Variants in R3HDM2 observed in about 807,000 individuals in gnomAD.
R3HDM2 encodes R3H domain containing 2, also known as R3H domain-containing protein 2.
R3HDM2 carries 38 observed loss-of-function variants against 124.5 expected under a neutral mutation model. That is an observed-to-expected ratio of 0.31 (90% confidence interval 0.24 to 0.40). The LOEUF (loss-of-function observed/expected upper bound fraction) is 0.40, where lower values mean the gene tolerates loss of function less well. Among genes scored for constraint, R3HDM2 ranks in the 10% least tolerant of loss-of-function variants. R3HDM2 has a pLI of 1.00. For missense variants in R3HDM2, 869 were observed against 1,236.9 expected (o/e 0.70, Z 4.46); for synonymous variants, 391 against 448.0 (o/e 0.87, Z 1.61).
At chr12:57,369,789 C>A (rs184216100) in intron 2 of R3HDM2, among the ~76,000 whole-genome samples, 1 of 152,138 alleles carries the variant, frequency 6.6e-6, no homozygotes, top group East Asian at 1.9e-4. Flanking sequence ...CTATTGAAAT[C>A]TGGAATTTAA....
chr12:57,272,719 G>A (rs1458601837), intron 14 of R3HDM2, among the ~76,000 whole-genome samples: 1 of 152,122 alleles, frequency 6.6e-6, no homozygotes, highest in Non-Finnish European at 1.5e-5. Flanking sequence ...CGACTGCTGA[G>A]CAGGTAGGTG....
At chr12:57,372,317 A>G (rs1421882935) in intron 2 of R3HDM2, among the ~76,000 whole-genome samples, 1 of 152,200 alleles carries the variant, frequency 6.6e-6, no homozygotes. Flanking sequence ...TCAGCTCCCA[A>G]CAATGATAAA....
At chr12:57,275,287 T>C (rs1351135722) in intron 14 of R3HDM2, among the ~76,000 whole-genome samples, 3 of 152,102 alleles carry the variant, frequency 2.0e-5, no homozygotes, top group Non-Finnish European at 4.4e-5. Flanking sequence ...TGAAACTGGA[T>C]CTTCATCTCT....
intron 2 of R3HDM2, among the ~76,000 whole-genome samples, chr12:57,333,185 T>TAAGTC (rs199893360): frequency 0.011 from 1,706 of 152,096 alleles, 26 homozygotes; most frequent in African/African-American, 0.038. Flanking sequence ...ATCCCAGACC[T>TAAGTC]AAGTCAATAT....
intron 2 of R3HDM2, among the ~76,000 whole-genome samples, chr12:57,366,213 G>T (rs911724753): frequency 2.0e-5 from 3 of 152,018 alleles, no homozygotes; most frequent in African/African-American, 7.3e-5. Context: ...GGAGTGCTGT[G>T]GTGTGACGTT....
At chr12:57,337,957 T>C (rs536614626) in intron 2 of R3HDM2, among the ~76,000 whole-genome samples, 1 of 152,364 alleles carries the variant, frequency 6.6e-6, no homozygotes, top group East Asian at 1.9e-4. Flanking sequence ...GAAATTTTTA[T>C]ATTTTTTAAT....
chr12:57,305,144 C>T (rs2052273509), intron 3 of R3HDM2, among the ~76,000 whole-genome samples: 1 of 152,064 alleles, frequency 6.6e-6, no homozygotes, highest in African/African-American at 2.4e-5. Context: ...GAGATTGCGC[C>T]ACTGCACTCC....
chr12:57,385,484 C>T (rs927488701), intron 2 of R3HDM2, among the ~76,000 whole-genome samples: 2 of 151,926 alleles, frequency 1.3e-5, no homozygotes, highest in Non-Finnish European at 1.5e-5. Flanking sequence ...CCTCGCGATC[C>T]GCCCACCTCA....
intron 19 of R3HDM2, among the ~76,000 whole-genome samples, chr12:57,264,010 C>A (rs967958395): frequency 6.6e-6 from 1 of 152,052 alleles, no homozygotes; most frequent in Admixed American, 6.5e-5. Context: ...GACTTCCTGC[C>A]GAGGTGGGCA....
intron 11 of R3HDM2, among the ~76,000 whole-genome samples, chr12:57,289,956 C>T (rs996227887): frequency 2.0e-5 from 3 of 152,188 alleles, no homozygotes; most frequent in Admixed American, 6.5e-5. Flanking sequence ...GCCATAGTTC[C>T]TTGTCTAGAC....
intron 12 of R3HDM2, 47 bp from the exon 13 acceptor site, chr12:57,284,103 C>T (rs1293219223): frequency 1.4e-6 from 2 of 1,475,708 alleles, no homozygotes; most frequent in Non-Finnish European, 1.9e-6. Context: ...ACCACTTTAG[C>T]AGAAGGGCTA....
chr12:57,262,635 G>A (rs980442877), intron 19 of R3HDM2, among the ~76,000 whole-genome samples: 1 of 152,208 alleles, frequency 6.6e-6, no homozygotes, highest in South Asian at 2.1e-4. Context: ...CTACATGAGA[G>A]AAGGGCAGGC....
intron 2 of R3HDM2, among the ~76,000 whole-genome samples, chr12:57,392,933 T>C (rs549952445): frequency 6.7e-6 from 1 of 149,198 alleles, no homozygotes; most frequent in African/African-American, 2.5e-5. Context: ...GTCTCCGGAG[T>C]AGCTGGGACT....
chr12:57,311,177 A>T (rs1270205697), intron 2 of R3HDM2, among the ~76,000 whole-genome samples: 1 of 152,062 alleles, frequency 6.6e-6, no homozygotes, highest in African/African-American at 2.4e-5. Context: ...CTTCAAAAAG[A>T]AGTAAAATCA....
intron 2 of R3HDM2, among the ~76,000 whole-genome samples, chr12:57,355,273 C>T (rs1442771654): frequency 2.0e-5 from 3 of 150,724 alleles, no homozygotes; most frequent in East Asian, 2.0e-4. Context: ...CTGGCTAACA[C>T]GGTGAAACCC....
chr12:57,265,324 G>A (rs186277129), intron 19 of R3HDM2, among the ~76,000 whole-genome samples: 3 of 152,132 alleles, frequency 2.0e-5, no homozygotes, highest in Non-Finnish European at 4.4e-5. Flanking sequence ...ATGTTACAAT[G>A]TATGTGAGCA....
At chr12:57,299,300 A>C (rs878942928) in intron 6 of R3HDM2, 52 bp downstream of exon 6, 1 of 1,495,918 alleles carries the variant, frequency 6.7e-7, no homozygotes, top group Admixed American at 2.0e-5. Context: ...CTTCAGGATA[A>C]AAGTAAAGGG....
intron 1 of R3HDM2, among the ~76,000 whole-genome samples, chr12:57,408,138 T>C (rs1163104848): frequency 6.6e-6 from 1 of 152,064 alleles, no homozygotes; most frequent in African/African-American, 2.4e-5. Flanking sequence ...ACCATGTTGG[T>C]CAGGCTGATC....
At chr12:57,334,867 G>A (rs1407797140) in intron 2 of R3HDM2, among the ~76,000 whole-genome samples, 8 of 151,774 alleles carry the variant, frequency 5.3e-5, no homozygotes, top group Non-Finnish European at 1.0e-4. Flanking sequence ...GCCAGGTGTC[G>A]TGGCTCATGT....
Sources: gnomAD v4.1 joint callset for allele counts (sites outside exome capture counted in the v4.1 genomes callset) on GRCh38, gnomAD v4.1.1 for gene constraint, MANE v1.5 for transcripts, NCBI Gene and HGNC (gene_info 2026-07-23, HGNC 2026-07-21) for gene names.